ARHGAP18: variants seen among roughly 807,000 people sequenced by gnomAD.
ARHGAP18 encodes the protein rho GTPase-activating protein 18.
In ARHGAP18, 67 loss-of-function variants were observed where a neutral mutation model predicts 86.2. The ratio of observed to expected loss-of-function variants is 0.78; its 90% CI spans 0.64 to 0.95. The LOEUF is 0.95. ARHGAP18 is among the 40% of genes least tolerant of loss of function. ARHGAP18 has a pLI of 0.00. For missense variants in ARHGAP18, 691 were observed against 780.4 expected (o/e 0.89, Z 1.37); for synonymous variants, 283 against 280.4 (o/e 1.01, Z -0.09).
chr6:129,669,745 A>G (rs1774109551), intron 1 of ARHGAP18, among the ~76,000 whole-genome samples: 2 of 151,820 alleles, frequency 1.3e-5, no homozygotes, highest in African/African-American at 4.8e-5. Flanking sequence ...AGATCATGCC[A>G]CTGCACTCCA....
chr6:129,626,809 C>A (rs564044318), intron 5 of ARHGAP18, among the ~76,000 whole-genome samples: 1 of 152,142 alleles, frequency 6.6e-6, no homozygotes, highest in South Asian at 2.1e-4. Context: ...TAGGATGAAG[C>A]AAACATGCAA....
In ARHGAP18 at chr6:129,655,336, A is replaced by AG. The variant is rs1773809089; in HGVS notation, c.114-13319_114-13318insC. On this transcript the variant is annotated intron_variant, in intron 1 of 14. Transcript: ENST00000368149. Reference sequence around the variant, plus strand: ...CTCTCTCAAAAAAAAAAAAAAAAAAAAAAAAGAAAAGAAAAGAAAAGAAAA... The same window carrying AG: ...CTCTCTCAAAAAAAAAAAAAAAAAAAGAAAAAGAAAAGAAAAGAAAAGAAAA... Among the ~76,000 whole-genome samples the AG allele has an allele frequency of 9.5e-5, 11 of 115,970 alleles. No homozygotes were observed. The South Asian group carries it at 1.3e-3, about 14-fold the overall frequency. 76.1% of individuals were successfully genotyped at this position (115,970 alleles called of 152,430 possible). A position where few individuals can be genotyped will look rare whatever the true frequency, so the allele number is the denominator to read the frequency against.
At chr6:129,653,491 T>C (rs1304544278) in intron 1 of ARHGAP18, among the ~76,000 whole-genome samples, 2 of 152,328 alleles carry the variant, frequency 1.3e-5, no homozygotes, top group African/African-American at 4.8e-5. Context: ...AAGTCAGCTC[T>C]ACTAGGGGGA....
chr6:129,695,607 A>G (rs959287391), intron 1 of ARHGAP18, among the ~76,000 whole-genome samples: 3 of 152,170 alleles, frequency 2.0e-5, no homozygotes, highest in Non-Finnish European at 2.9e-5. Context: ...TTTTCAATCT[A>G]TAACATAGGG....
At chr6:129,632,498 C>G (rs1385558611) in intron 4 of ARHGAP18, among the ~76,000 whole-genome samples, 1 of 152,154 alleles carries the variant, frequency 6.6e-6, no homozygotes, top group Non-Finnish European at 1.5e-5. Flanking sequence ...CATTCACCAA[C>G]TGCCAGTCAC....
intron 4 of ARHGAP18, among the ~76,000 whole-genome samples, 165 bp from the exon 5 acceptor site, chr6:129,629,687 A>G (rs1773157034): frequency 6.6e-6 from 1 of 152,174 alleles, no homozygotes; most frequent in African/African-American, 2.4e-5. Flanking sequence ...AATCCTATCA[A>G]TGGTGCATGG....
rs574396571 is a variant in ARHGAP18, at chr6:129,702,378, A to G, written c.113+7646T>C. On this transcript the variant is annotated intron_variant, in intron 1 of 14. Coordinates refer to ENST00000368149, the MANE Select transcript of ARHGAP18 (RefSeq NM_033515.3). ...CCCTGACTCATCCCCACTCTCCTCA[A>G]ATAATGAGAGTTCTTATTCTCTATC... Among the ~76,000 whole-genome samples the G allele has an allele frequency of 2.6e-4, 39 of 152,210 alleles. 1 individual carries two copies. The highest frequency in any genetic ancestry group is 3.3e-4 in the Admixed American group (5 of 15,278).
In ARHGAP18 at chr6:129,626,065, TACACACACACAC is replaced by T. The variant is rs71028169; in HGVS notation, c.786+3276_786+3287del. On this transcript the variant is annotated intron_variant, in intron 5 of 14. Transcript: ENST00000368149. ...ACACACACACATATATATACACATATACACACACACACACACACACACACACACACACACACA... is the reference window on the plus strand; with the variant it reads ...ACACACACACATATATATACACATATACACACACACACACACACACACACA... 3.5e-3 allele frequency among the ~76,000 whole-genome samples: 358 copies of T among 101,540 alleles called. 2 individuals are homozygous for T. Among genetic ancestry groups the T allele is most frequent in the African/African-American group, 0.01 (282 of 27,296 alleles). 66.6% of individuals were successfully genotyped at this position (101,540 alleles called of 152,430 possible).
intron 1 of ARHGAP18, among the ~76,000 whole-genome samples, chr6:129,656,332 A>C (rs1773835920): frequency 6.6e-6 from 1 of 152,228 alleles, no homozygotes; most frequent in Non-Finnish European, 1.5e-5. Context: ...AAGATGCCAA[A>C]AAGTGCTTAA....
At chr6:129,632,425 T>C (rs1773237485) in intron 4 of ARHGAP18, among the ~76,000 whole-genome samples, 2 of 152,176 alleles carry the variant, frequency 1.3e-5, no homozygotes, top group South Asian at 4.1e-4. Flanking sequence ...TGATATAGCC[T>C]ACATCATGAT....
At chr6:129,661,322 A>AG (rs1213302859) in intron 1 of ARHGAP18, among the ~76,000 whole-genome samples, 25 of 151,114 alleles carry the variant, frequency 1.7e-4, no homozygotes, top group Non-Finnish European at 2.8e-4. Flanking sequence ...AAAAAAAAAA[A>AG]AAAAAAAAGT....
intron 1 of ARHGAP18, among the ~76,000 whole-genome samples, chr6:129,702,236 CA>C (rs796868815): frequency 2.0e-5 from 3 of 151,320 alleles, no homozygotes; most frequent in African/African-American, 7.3e-5. Context: ...TTATTTCTTG[CA>C]AAAAAAAGGA....
At chr6:129,657,782 C>T (rs1773869456) in intron 1 of ARHGAP18, among the ~76,000 whole-genome samples, 1 of 152,166 alleles carries the variant, frequency 6.6e-6, no homozygotes, top group South Asian at 2.1e-4. Context: ...ACAGTTTTTG[C>T]ATAATTCATT....
At chr6:129,642,383 C>G (rs564241930) in intron 1 of ARHGAP18, among the ~76,000 whole-genome samples, 5 of 152,254 alleles carry the variant, frequency 3.3e-5, no homozygotes, top group African/African-American at 4.8e-5. Flanking sequence ...TTACTGGGCT[C>G]AAGTGATCTT....
At chr6:129,593,223 G>A (rs1584028666) in intron 12 of ARHGAP18, among the ~76,000 whole-genome samples, 1 of 152,086 alleles carries the variant, frequency 6.6e-6, no homozygotes, top group Non-Finnish European at 1.5e-5. Context: ...GGTGTGAAAG[G>A]CTGAGGAGGG....
At chr6:129,623,730 A>G (rs1038740867) in intron 5 of ARHGAP18, among the ~76,000 whole-genome samples, 1 of 152,228 alleles carries the variant, frequency 6.6e-6, no homozygotes, top group Non-Finnish European at 1.5e-5. Context: ...CATACCTTCT[A>G]GAAGACAAAC....
intron 1 of ARHGAP18, among the ~76,000 whole-genome samples, chr6:129,676,338 G>C (rs980994416): frequency 3.3e-5 from 5 of 152,170 alleles, no homozygotes; most frequent in Admixed American, 1.3e-4. Flanking sequence ...CAGAGGGGGG[G>C]CAACAGGTCC....
Position 129,607,917 on chromosome 6 carries a change from G to A in ARHGAP18, c.1258C>T (p.Leu420Phe), listed in dbSNP as rs771726436. 6.2e-7 allele frequency: 1 copy of A among 1,611,054 alleles called. No homozygotes were observed. Among genetic ancestry groups the A allele is most frequent in the African/African-American group, 1.3e-5 (1 of 74,834 alleles). The change falls in exon 9 of 15, where the codon CTC (leucine) becomes TTC (phenylalanine). Residue 420 changes from leucine (L) to phenylalanine (F), a missense_variant. By Grantham distance (22) the Leu-to-Phe change is conservative. Transcript: ENST00000368149. ...LPQPLLSVEY[L>F]KAFQAVQNLP... is the part of the protein sequence containing the mutation. ...CTCTGGACAGCCTGAAAGGCTTTGAGATACTCCACACTGAGCAGTGGCTGG... is the reference window on the plus strand; with the variant it reads ...CTCTGGACAGCCTGAAAGGCTTTGAAATACTCCACACTGAGCAGTGGCTGG...
chr6:129,602,388 G>T (rs1458909541), intron 10 of ARHGAP18, among the ~76,000 whole-genome samples: 2 of 151,842 alleles, frequency 1.3e-5, no homozygotes, highest in Non-Finnish European at 2.9e-5. Context: ...ACTATTAAAA[G>T]AATCATTTTT....
Sources: allele counts gnomAD v4.1 joint callset (sites outside exome capture counted in the v4.1 genomes callset), GRCh38; gene constraint gnomAD v4.1.1; transcripts MANE v1.5; gene names NCBI Gene and HGNC (gene_info 2026-07-23, HGNC 2026-07-21).